Variants in SLC25A21 observed in about 807,000 individuals in gnomAD.
The protein encoded by SLC25A21 is solute carrier family 25 member 21, also known as mitochondrial 2-oxodicarboxylate carrier.
SLC25A21 carries 47 observed loss-of-function variants against 43.8 expected under a neutral mutation model. The observed-to-expected ratio is 1.07, with a 90% confidence interval of 0.85 to 1.37. The LOEUF is 1.37. Ranked by LOEUF, SLC25A21 falls within the 40% of genes most tolerant of loss-of-function variation. The probability of loss-of-function intolerance (pLI) is 0.00; values close to 1 mark genes in which losing one functional copy is unlikely to be tolerated. For synonymous variants in SLC25A21, 131 were observed against 121.3 expected (o/e 1.08, Z -0.52); for missense variants, 352 against 350.2 (o/e 1.00, Z -0.04).
chr14:36,748,692 G>A (rs555387290), intron 3 of SLC25A21, among the ~76,000 whole-genome samples: 3 of 152,290 alleles, frequency 2.0e-5, no homozygotes, highest in Non-Finnish European at 2.9e-5. Flanking sequence ...TGTGGACTTT[G>A]TCTGTTTCCC....
At chr14:37,078,509 T>G (rs977047686) in intron 1 of SLC25A21, among the ~76,000 whole-genome samples, 1 of 152,050 alleles carries the variant, frequency 6.6e-6, no homozygotes, top group Non-Finnish European at 1.5e-5. Context: ...TGGACATGGA[T>G]TTGTCCACAT....
At chr14:36,699,466 C>T (rs766973085) in intron 7 of SLC25A21, among the ~76,000 whole-genome samples, 1 of 152,188 alleles carries the variant, frequency 6.6e-6, no homozygotes. Context: ...GCTGGGAGAA[C>T]AACTGCTCTT....
intron 1 of SLC25A21, among the ~76,000 whole-genome samples, chr14:37,075,710 G>A (rs1962266005): frequency 6.6e-6 from 1 of 152,146 alleles, no homozygotes; most frequent in African/African-American, 2.4e-5. Flanking sequence ...CATGGTGGTC[G>A]AATATACATG....
intron 6 of SLC25A21, among the ~76,000 whole-genome samples, chr14:36,712,459 A>G (rs1446178298): frequency 6.6e-6 from 1 of 152,188 alleles, no homozygotes; most frequent in Admixed American, 6.5e-5. Flanking sequence ...TTTCAGACTA[A>G]AAGTATTTTC....
intron 1 of SLC25A21, among the ~76,000 whole-genome samples, chr14:37,019,457 G>T (rs956337506): frequency 6.6e-6 from 1 of 151,608 alleles, no homozygotes; most frequent in Non-Finnish European, 1.5e-5. Flanking sequence ...TAGTTTACTT[G>T]TTTGTCCTCT....
chr14:36,718,877 C>T (rs367591991), intron 6 of SLC25A21, among the ~76,000 whole-genome samples: 1 of 152,066 alleles, frequency 6.6e-6, no homozygotes, highest in African/African-American at 2.4e-5. Flanking sequence ...TTGGGCTGAA[C>T]ATCTTTAAAG....
intron 1 of SLC25A21, among the ~76,000 whole-genome samples, chr14:37,071,718 T>C (rs541739025): frequency 6.6e-6 from 1 of 152,326 alleles, no homozygotes; most frequent in African/African-American, 2.4e-5. Context: ...GAATTGTATG[T>C]ATAAGCATGC....
intron 1 of SLC25A21, among the ~76,000 whole-genome samples, chr14:36,880,445 A>C (rs1009348283): frequency 9.9e-5 from 15 of 152,274 alleles, no homozygotes; most frequent in African/African-American, 3.4e-4. Context: ...GAGCTCCCTG[A>C]ACTTGTATTA....
chr14:37,080,986 T>C (rs1962376700), intron 1 of SLC25A21, among the ~76,000 whole-genome samples: 1 of 152,198 alleles, frequency 6.6e-6, no homozygotes, highest in African/African-American at 2.4e-5. Context: ...CCTCTATCTA[T>C]TCTCCTTAAT....
chr14:36,792,912 C>G (rs1220492080), intron 3 of SLC25A21, among the ~76,000 whole-genome samples: 1 of 152,052 alleles, frequency 6.6e-6, no homozygotes, highest in Admixed American at 6.6e-5. Flanking sequence ...CAGATCCTAC[C>G]ACATGCTATA....
At chr14:37,122,917 G>A (rs1473872899) in intron 1 of SLC25A21, among the ~76,000 whole-genome samples, 1 of 152,058 alleles carries the variant, frequency 6.6e-6, no homozygotes, top group African/African-American at 2.4e-5. Flanking sequence ...TATAAATATA[G>A]GTCTATATAG....
chr14:37,004,975 G>A (rs1429327925), intron 1 of SLC25A21, among the ~76,000 whole-genome samples: 2 of 150,174 alleles, frequency 1.3e-5, no homozygotes, highest in Non-Finnish European at 3.0e-5. Flanking sequence ...CCAGGCTGGA[G>A]TGCAGTGGCT....
chr14:36,847,398 AT>A (rs1006591426), intron 2 of SLC25A21, among the ~76,000 whole-genome samples: 1 of 152,190 alleles, frequency 6.6e-6, no homozygotes, highest in African/African-American at 2.4e-5. Flanking sequence ...TCATTGGTTC[AT>A]TTTTTAGAAG....
chr14:36,896,780 T>C (rs915348217), intron 1 of SLC25A21, among the ~76,000 whole-genome samples: 5 of 152,198 alleles, frequency 3.3e-5, no homozygotes. Context: ...AAGTATTTTA[T>C]TTCTCCTTCA....
chr14:37,024,079 A>T (rs1352733191), intron 1 of SLC25A21, among the ~76,000 whole-genome samples: 1 of 152,104 alleles, frequency 6.6e-6, no homozygotes, highest in Non-Finnish European at 1.5e-5. Flanking sequence ...GAAGTAATTA[A>T]CCAGATCACT....
chr14:36,921,305 A>G (rs565969887), intron 1 of SLC25A21, among the ~76,000 whole-genome samples: 2 of 152,292 alleles, frequency 1.3e-5, no homozygotes, highest in Admixed American at 1.3e-4. Context: ...GAGTAGTACC[A>G]TAGTTCATTT....
intron 1 of SLC25A21, among the ~76,000 whole-genome samples, chr14:37,063,012 A>C (rs1192884542): frequency 6.6e-6 from 1 of 152,158 alleles, no homozygotes; most frequent in African/African-American, 2.4e-5. Flanking sequence ...ATCATGGTAG[A>C]AAGTACTTCT....
At position 37,141,880 on chromosome 14, in the gene SLC25A21, A is replaced by G. The variant is rs1438755471; in HGVS notation, c.70+30401T>C. ...TCCATCCTCAAGGATAGTATTTCTC[A>G]ATCTTGGCTGCACATTGGACTCAGA... is the stretch of plus-strand genomic sequence containing the variant. On this transcript the variant is annotated intron_variant, in intron 1 of 9. Transcript: ENST00000331299. Among the ~76,000 whole-genome samples, 3 of 152,148 alleles carry G rather than the reference A, an allele frequency of 2.0e-5. No homozygotes were observed. The East Asian group carries it at 5.8e-4, about 29-fold the overall frequency.
At chr14:36,935,942 C>T (rs539048296) in intron 1 of SLC25A21, among the ~76,000 whole-genome samples, 14 of 152,186 alleles carry the variant, frequency 9.2e-5, no homozygotes, top group Admixed American at 8.5e-4. Context: ...GAGTAAAATT[C>T]TATTTGGTTT....
Sources: allele counts gnomAD v4.1 joint callset (sites outside exome capture counted in the v4.1 genomes callset), GRCh38; gene constraint gnomAD v4.1.1; transcripts MANE v1.5; gene names NCBI Gene and HGNC (gene_info 2026-07-23, HGNC 2026-07-21).